FAM135B: variants seen among roughly 807,000 people sequenced by gnomAD.
The protein encoded by FAM135B is protein FAM135B.
FAM135B carries 43 observed loss-of-function variants against 127.7 expected under a neutral mutation model. That is an observed-to-expected ratio of 0.34 (90% CI 0.26 to 0.43). The LOEUF is 0.43. Among genes scored for constraint, FAM135B ranks in the 20% least tolerant of loss-of-function variants. The pLI is 1.00. For missense variants in FAM135B, 1,558 were observed against 1,725.6 expected, an observed-to-expected ratio of 0.90 and a Z score of 1.72; for synonymous variants, 670 against 665.1, an observed-to-expected ratio of 1.01 and a Z score of -0.11.
chr8:138,197,730 G>A (rs1443932824), intron 7 of FAM135B, 61 bp from the exon 8 acceptor site: 2 of 1,558,002 alleles, frequency 1.3e-6, no homozygotes, highest in African/African-American at 1.4e-5. Flanking sequence ...GCAGCACAGG[G>A]CTGTGATGCT....
At chr8:138,240,773 C>T (rs872500) in intron 7 of FAM135B, among the ~76,000 whole-genome samples, 7,427 of 152,224 alleles carry the variant, frequency 0.049, 575 homozygotes, top group African/African-American at 0.17. Context: ...CAGGGAGTTG[C>T]ACATCAGAGT....
chr8:138,270,178 G>C (rs1280550945), intron 3 of FAM135B, among the ~76,000 whole-genome samples: 1 of 152,130 alleles, frequency 6.6e-6, no homozygotes, highest in East Asian at 1.9e-4. Context: ...CCCATCACTG[G>C]AGGGCAAGTG....
intron 1 of FAM135B, among the ~76,000 whole-genome samples, chr8:138,428,179 CTAACAG>C (rs1450834409): frequency 6.6e-6 from 1 of 152,070 alleles, no homozygotes; most frequent in Admixed American, 6.5e-5. Flanking sequence ...ATAAAATAAA[CTAACAG>C]TAACTATGGG....
chr8:138,134,199 G>A (rs1018227127), intron 19 of FAM135B, among the ~76,000 whole-genome samples: 1 of 152,088 alleles, frequency 6.6e-6, no homozygotes, highest in Non-Finnish European at 1.5e-5. Context: ...AAACAATTCT[G>A]TGCTCCTTTA....
intron 17 of FAM135B, among the ~76,000 whole-genome samples, 173 bp from the exon 18 acceptor site, chr8:138,139,269 C>T (rs1035736879): frequency 2.6e-5 from 4 of 152,120 alleles, no homozygotes; most frequent in African/African-American, 9.7e-5. Flanking sequence ...TGTCCTCTCA[C>T]GTACTGGTGG....
intron 7 of FAM135B, among the ~76,000 whole-genome samples, chr8:138,209,672 G>A (rs970300070): frequency 2.0e-5 from 3 of 152,152 alleles, no homozygotes; most frequent in African/African-American, 4.8e-5. Context: ...GTGCCCTTCA[G>A]GGAGATACAG....
chr8:138,370,159 C>T (rs16908974), intron 1 of FAM135B, among the ~76,000 whole-genome samples: 2,819 of 152,246 alleles, frequency 0.019, 89 homozygotes, highest in African/African-American at 0.061. Context: ...ATCTCCTGCA[C>T]TTACTGGCAG....
At chr8:138,480,246 C>G (rs2131679782) in intron 1 of FAM135B, among the ~76,000 whole-genome samples, 1 of 152,314 alleles carries the variant, frequency 6.6e-6, no homozygotes, top group South Asian at 2.1e-4. Context: ...ATAACTAGTG[C>G]TCAGCTCAGG....
At chr8:138,137,037 T>G in intron 19 of FAM135B, 110 bp downstream of exon 19, 1 of 675,142 alleles carries the variant, frequency 1.5e-6, no homozygotes. Flanking sequence ...CTAAGATAAA[T>G]GCAGCACTAA....
rs2130902817 is a variant in FAM135B, at chr8:138,168,010, G to C, written c.1143C>G (p.Asn381Lys). The change falls in exon 12 of 20, where the codon AAC (asparagine) becomes AAG (lysine). Residue 381 changes from asparagine (N) to lysine (K), a missense_variant. Physicochemically the swap from Asn to Lys is moderately conservative, Grantham distance 94 (BLOSUM62 0). Transcript: ENST00000395297. Reference sequence around the variant, plus strand: ...GGGGCATGCTAGTGAGGTACTCCGAGTTCCGGATATCCAGGGACAGCTGGC... The same window carrying C: ...GGGGCATGCTAGTGAGGTACTCCGACTTCCGGATATCCAGGGACAGCTGGC... ...THSQLSLDIR[N>K]SEYLTSMPPL... 1 of 1,613,876 alleles carries C rather than the reference G, an allele frequency of 6.2e-7. No homozygotes were observed. The highest frequency in any genetic ancestry group is 8.5e-7 in the Non-Finnish European group (1 of 1,179,850).
chr8:138,354,706 G>A (rs1444556457), intron 2 of FAM135B, among the ~76,000 whole-genome samples: 1 of 152,136 alleles, frequency 6.6e-6, no homozygotes, highest in Non-Finnish European at 1.5e-5. Context: ...TCCTAAATGA[G>A]CAAATTGATG....
intron 5 of FAM135B, among the ~76,000 whole-genome samples, chr8:138,255,641 G>A (rs767895141): frequency 6.6e-6 from 1 of 152,148 alleles, no homozygotes; most frequent in Non-Finnish European, 1.5e-5. Flanking sequence ...CTTTGGAAAA[G>A]TATCCACCCC....
intron 1 of FAM135B, among the ~76,000 whole-genome samples, chr8:138,491,848 AG>A (rs992764828): frequency 3.9e-5 from 6 of 152,214 alleles, no homozygotes; most frequent in African/African-American, 1.4e-4. Context: ...AGTGATTACC[AG>A]GGAGAAGAAT....
At chr8:138,167,841 G>C (rs2130898050) in intron 12 of FAM135B, 54 bp downstream of exon 12, 1 of 1,534,586 alleles carries the variant, frequency 6.5e-7, no homozygotes, top group South Asian at 1.3e-5. Context: ...GCCATTGTCA[G>C]AATCCCACTG....
intron 2 of FAM135B, among the ~76,000 whole-genome samples, chr8:138,315,406 C>T (rs1827009380): frequency 6.6e-6 from 1 of 152,088 alleles, no homozygotes; most frequent in Admixed American, 6.6e-5. Flanking sequence ...TGAAAAATAA[C>T]ATGGAGGTTA....
At chr8:138,228,881 C>T (rs1368638743) in intron 7 of FAM135B, among the ~76,000 whole-genome samples, 1 of 152,196 alleles carries the variant, frequency 6.6e-6, no homozygotes, top group African/African-American at 2.4e-5. Context: ...GGGCCAGCTA[C>T]AATTTCAGAC....
chr8:138,140,661 A>G (rs78351610), intron 17 of FAM135B, among the ~76,000 whole-genome samples: 2 of 124,708 alleles, frequency 1.6e-5, no homozygotes, highest in African/African-American at 5.5e-5. Context: ...ACATATGCAC[A>G]TATGCACCTA....
chr8:138,209,685 A>T (rs1416990192), intron 7 of FAM135B, among the ~76,000 whole-genome samples: 1 of 152,156 alleles, frequency 6.6e-6, no homozygotes, highest in Admixed American at 6.5e-5. Flanking sequence ...AGATACAGGG[A>T]GGCCTTTCTC....
chr8:138,310,140 G>C (rs1826568085), intron 3 of FAM135B, among the ~76,000 whole-genome samples: 1 of 151,924 alleles, frequency 6.6e-6, no homozygotes, highest in East Asian at 1.9e-4. Context: ...CAAAGTGCTG[G>C]GATTATAGGC....
Sources: gnomAD v4.1 joint callset for allele counts (sites outside exome capture counted in the v4.1 genomes callset) on GRCh38, gnomAD v4.1.1 for gene constraint, MANE v1.5 for transcripts, NCBI Gene and HGNC (gene_info 2026-07-23, HGNC 2026-07-21) for gene names.